The following MACROH2A2 variants were observed in gnomAD, a reference collection of about 807,000 sequenced individuals.
MACROH2A2 encodes core histone macro-H2A.2.
A neutral mutation model predicts 37.6 loss-of-function variants in MACROH2A2; 6 were observed. That is an observed-to-expected ratio of 0.16 (90% CI 0.09 to 0.32). The LOEUF is 0.32. Among genes scored for constraint, MACROH2A2 ranks in the 10% least tolerant of loss-of-function variants. The pLI is 1.00. For missense variants in MACROH2A2, 290 were observed against 485.9 expected (o/e 0.60, Z 3.79); for synonymous variants, 192 against 202.7 (o/e 0.95, Z 0.45).
intron 7 of MACROH2A2, among the ~76,000 whole-genome samples, chr10:70,105,409 C>T (rs916326338): frequency 2.0e-5 from 3 of 152,094 alleles, no homozygotes; most frequent in Non-Finnish European, 2.9e-5. Flanking sequence ...AGAGAATGGG[C>T]GAGGGAGTCA....
rs1476088077 is a variant in MACROH2A2 at position 70,053,526 on chromosome 10, G to C, written c.-60+526G>C. On this transcript the variant is annotated intron_variant, in intron 1 of 8. Transcript: ENST00000373255. This position sits in a 1 kb window ranked among gnomAD's most constrained non-coding sequence, Gnocchi z 4.8. The stretch of plus-strand genomic sequence containing the variant: ...CGGCGGCTCCAGGCTGACAATGGAG[G>C]GGGCGCGGAGCAGCCGGGCGGAGGT... 6.6e-6 allele frequency among the ~76,000 whole-genome samples: 1 copy of C among 151,864 alleles called. No homozygotes were observed. The highest frequency in any genetic ancestry group is 2.4e-5 in the African/African-American group (1 of 41,368).
Position 70,090,157 on chromosome 10 carries a change from G to A in MACROH2A2, c.270G>A (p.Glu90=). 6.2e-7 allele frequency: 1 copy of A among 1,606,608 alleles called. No homozygotes were observed. The highest frequency in any genetic ancestry group is 8.5e-7 in the Non-Finnish European group (1 of 1,173,116). The change falls in exon 3 of 9, where the codon GAG becomes GAA. Residue 90 remains glutamate, a synonymous_variant. Coordinates refer to ENST00000373255, the MANE Select transcript of MACROH2A2 (RefSeq NM_018649.3). ...HILLAVANDE[E]LNQLLKGVTI... Reference sequence around the variant, plus strand: ...TGCTGGCAGTTGCCAATGACGAGGAGCTCAACCAGGTATGTCTGAAGCCTT... The same window carrying A: ...TGCTGGCAGTTGCCAATGACGAGGAACTCAACCAGGTATGTCTGAAGCCTT...
rs547776387 is a variant in MACROH2A2, at chr10:70,058,993, A to G, written c.-60+5993A>G. Reference sequence around the variant, plus strand: ...AATGTAGATTATTGTTTTGGGGTGAAGAAAAGGCAGTCCTAGATATAAAAT... The same window carrying G: ...AATGTAGATTATTGTTTTGGGGTGAGGAAAAGGCAGTCCTAGATATAAAAT... On this transcript the variant is annotated intron_variant, in intron 1 of 8. Coordinates refer to ENST00000373255, the MANE Select transcript of MACROH2A2 (RefSeq NM_018649.3). 2.6e-5 allele frequency among the ~76,000 whole-genome samples: 4 copies of G among 152,262 alleles called. No homozygotes were observed. The East Asian group carries it at 7.7e-4, about 29-fold the overall frequency.
At chr10:70,083,509 C>T (rs1314895058) in intron 2 of MACROH2A2, among the ~76,000 whole-genome samples, 3 of 152,028 alleles carry the variant, frequency 2.0e-5, no homozygotes, top group Non-Finnish European at 2.9e-5. Flanking sequence ...TTTTGAAGGC[C>T]CTCTCTTCCA....
intron 2 of MACROH2A2, 84 bp from the exon 3 acceptor site, chr10:70,089,976 C>A: frequency 3.5e-6 from 3 of 868,518 alleles, no homozygotes; most frequent in Non-Finnish European, 3.9e-6. Flanking sequence ...TGAATGTGAT[C>A]AAACTTGAAG....
intron 8 of MACROH2A2, among the ~76,000 whole-genome samples, chr10:70,109,522 C>T (rs1359924611): frequency 6.6e-6 from 1 of 152,208 alleles, no homozygotes; most frequent in Non-Finnish European, 1.5e-5. Context: ...TTTTGAGAGC[C>T]TTCCAGGTTC....
Position 70,075,520 on chromosome 10 carries a change from G to A in MACROH2A2, c.-59-80G>A. The A allele has an allele frequency of 2.5e-6, 2 of 785,520 alleles. No individual in the cohort carries two copies. Among genetic ancestry groups the A allele is most frequent in the South Asian group, 3.4e-5 (2 of 58,228 alleles). The allele number at this position is 785,520 out of a possible 1,614,324, so 48.7% of individuals were successfully genotyped here. A position where few individuals can be genotyped will look rare whatever the true frequency, so the allele number is the denominator to read the frequency against. ...CCCCAGGGCAGTCAGAGGTGTCACA[G>A]TGGTGCCCAAGGGCCATGCCACTGT... On this transcript the variant is annotated intron_variant, in intron 1 of 8. Transcript: ENST00000373255. The surrounding 1 kb of genome is among the most constrained non-coding windows in gnomAD (Gnocchi z 5.0).
At position 70,107,411 on chromosome 10, in the gene MACROH2A2, A is replaced by C. The variant is rs2072344574; in HGVS notation, c.779-1622A>C. 6.6e-6 allele frequency among the ~76,000 whole-genome samples: 1 copy of C among 152,188 alleles called. No homozygotes were observed. The highest frequency in any genetic ancestry group is 1.5e-5 in the Non-Finnish European group (1 of 68,014). ...TACGGCGGACACACGTTTCTGTTAC[A>C]AGTGCTGCCCCTAGTGGCCACGGAC... On this transcript the variant is annotated intron_variant, in intron 7 of 8. Coordinates refer to ENST00000373255, the MANE Select transcript of MACROH2A2 (RefSeq NM_018649.3). This position sits in a 1 kb window ranked among gnomAD's most constrained non-coding sequence, Gnocchi z 4.4.
chr10:70,072,230 CTT>C (rs1346993204), intron 1 of MACROH2A2, among the ~76,000 whole-genome samples: 3 of 151,578 alleles, frequency 2.0e-5, no homozygotes. Context: ...TATTATTATA[CTT>C]TAAGTTTATA....
intron 2 of MACROH2A2, among the ~76,000 whole-genome samples, chr10:70,088,525 T>C: frequency 6.6e-6 from 1 of 152,258 alleles, no homozygotes; most frequent in East Asian, 1.9e-4. Context: ...TTTCTTTTTT[T>C]ACCCCAAGGT....
chr10:70,058,206 G>A (rs2072028941), intron 1 of MACROH2A2, among the ~76,000 whole-genome samples: 1 of 152,180 alleles, frequency 6.6e-6, no homozygotes, highest in Admixed American at 6.5e-5. Flanking sequence ...AAATTTGGTG[G>A]TTTCTCTGAA....
intron 8 of MACROH2A2, among the ~76,000 whole-genome samples, chr10:70,110,314 C>A (rs2072362694): frequency 6.6e-6 from 1 of 152,082 alleles, no homozygotes; most frequent in Non-Finnish European, 1.5e-5. Flanking sequence ...GAACCTGGGG[C>A]CTTTAACAAA....
Position 70,089,914 on chromosome 10 carries a change from C to T in MACROH2A2, c.173-146C>T, listed in dbSNP as rs2072233684. 5.8e-6 allele frequency: 4 copies of T among 686,236 alleles called. No homozygotes were observed. In the Admixed American group the frequency reaches 8.4e-5, roughly 14 times the overall value. 42.5% of individuals were successfully genotyped at this position (686,236 alleles called of 1,614,324 possible). A position where few individuals can be genotyped will look rare whatever the true frequency, so the allele number is the denominator to read the frequency against. ...AGTAGCTGGGACTAACTTGAGTTCTCTTACGCTTCCTGGATTTCTTTCCAG... is the reference window on the plus strand; with the variant it reads ...AGTAGCTGGGACTAACTTGAGTTCTTTTACGCTTCCTGGATTTCTTTCCAG... On this transcript the variant is annotated intron_variant, in intron 2 of 8. Coordinates refer to ENST00000373255, the MANE Select transcript of MACROH2A2 (RefSeq NM_018649.3).
intron 3 of MACROH2A2, 90 bp downstream of exon 3, chr10:70,090,256 C>T: frequency 1.3e-6 from 1 of 798,124 alleles, no homozygotes; most frequent in South Asian, 1.4e-5. Context: ...ACTCCTGCTA[C>T]AGTTCCCAAT....
chr10:70,081,776 T>G (rs750294045), intron 2 of MACROH2A2, among the ~76,000 whole-genome samples: 3 of 152,146 alleles, frequency 2.0e-5, no homozygotes, highest in Admixed American at 2.0e-4. Context: ...TATGAATGAA[T>G]GAAATGTAAA....
chr10:70,094,478 G>T (rs1008136071), intron 5 of MACROH2A2, among the ~76,000 whole-genome samples: 3 of 152,206 alleles, frequency 2.0e-5, no homozygotes, highest in Non-Finnish European at 2.9e-5. Flanking sequence ...GCTGAAATAA[G>T]ACACCCAAGG....
intron 1 of MACROH2A2, among the ~76,000 whole-genome samples, chr10:70,065,651 A>C (rs375003645): frequency 1.3e-5 from 2 of 152,294 alleles, no homozygotes; most frequent in South Asian, 4.1e-4. Context: ...GATTACCAAA[A>C]TTAGATAAAG....
intron 4 of MACROH2A2, 84 bp downstream of exon 4, chr10:70,092,038 A>C: frequency 9.1e-7 from 1 of 1,100,890 alleles, no homozygotes. Context: ...TCATATGTTG[A>C]AACCTAACCC....
At chr10:70,076,593 T>C (rs1241799074) in intron 2 of MACROH2A2, among the ~76,000 whole-genome samples, 3 of 152,088 alleles carry the variant, frequency 2.0e-5, no homozygotes, top group Non-Finnish European at 4.4e-5. Context: ...TATAAATATA[T>C]ATGTACAATA....
Sources: gnomAD v4.1 joint callset for allele counts (sites outside exome capture counted in the v4.1 genomes callset) on GRCh38, gnomAD v4.1.1 for gene constraint, Gnocchi (gnomAD v3.1) non-coding constraint, MANE v1.5 for transcripts, NCBI Gene and HGNC (gene_info 2026-07-23, HGNC 2026-07-21) for gene names.